The following DMXL1 variants were observed in gnomAD, a reference collection of about 807,000 sequenced individuals.
DMXL1 encodes the protein dmX-like protein 1.
In DMXL1, 99 loss-of-function variants were observed where a neutral mutation model predicts 319.2. The observed-to-expected ratio is 0.31, with a 90% CI of 0.26 to 0.37. DMXL1 has a LOEUF of 0.37. Ranked by LOEUF, DMXL1 falls within the 10% of genes least tolerant of loss-of-function variation. The pLI is 1.00. For missense variants in DMXL1, 3,745 were observed against 3,595.6 expected, an observed-to-expected ratio of 1.04 and a Z score of -1.06; for synonymous variants, 1,385 against 1,235.2, an observed-to-expected ratio of 1.12 and a Z score of -2.54.
At chr5:119,218,155 T>A (rs537986721) in intron 35 of DMXL1, among the ~76,000 whole-genome samples, 55 of 152,162 alleles carry the variant, frequency 3.6e-4, no homozygotes, top group African/African-American at 1.1e-3. Flanking sequence ...GGCAGTAGGA[T>A]CACTAGAGGC....
At chr5:119,097,835 G>A (rs560013649) in intron 1 of DMXL1, 144 bp from the exon 2 acceptor site, 62 of 747,564 alleles carry the variant, frequency 8.3e-5, no homozygotes, top group Admixed American at 3.7e-4. Context: ...GCCAAATGTA[G>A]ATTTTTTTTT....
intron 1 of DMXL1, among the ~76,000 whole-genome samples, chr5:119,089,275 TACATATATATATATATA>T (rs1455030749): frequency 3.3e-5 from 2 of 61,420 alleles, no homozygotes; most frequent in East Asian, 1.3e-3. Context: ...TATATATATA[TACATATATATATATATA>T]TTTTTTTTTT....
At chr5:119,230,102 T>TA (rs1786395727) in intron 38 of DMXL1, among the ~76,000 whole-genome samples, 1 of 152,188 alleles carries the variant, frequency 6.6e-6, no homozygotes, top group African/African-American at 2.4e-5. Context: ...GAAGTAGACA[T>TA]AACACCAGAC....
At chr5:119,184,787 G>T (rs1777404310) in intron 28 of DMXL1, among the ~76,000 whole-genome samples, 2 of 152,026 alleles carry the variant, frequency 1.3e-5, no homozygotes, top group Admixed American at 6.6e-5. Context: ...GTTCTTCCAT[G>T]TTGTAGCTTG....
rs1769412500 is a variant in DMXL1 at position 119,150,020 on chromosome 5, C to G, written c.4193C>G (p.Thr1398Arg). ...AFNKAENTDY[T>R]EIDSVPPLPL... ...AACAAGGCTGAAAATACAGATTACA[C>G]AGAAATAGATTCTGTTCCTCCACTT... Residue 1398 changes from threonine (T) to arginine (R), a missense_variant, in exon 18 of 44, where the codon ACA (threonine) becomes AGA (arginine). Around this residue, in one of 4 missense-constraint regions of DMXL1, gnomAD observed 2,096 missense variants for 1,985.4 expected, o/e 1.06. Coordinates refer to ENST00000539542, the MANE Select transcript of DMXL1 (RefSeq NM_001290321.3). The G allele has an allele frequency of 6.2e-6, 10 of 1,613,948 alleles. No individual in the cohort carries two copies. The highest frequency in any genetic ancestry group is 8.5e-6 in the Non-Finnish European group (10 of 1,179,912).
Position 119,098,108 on chromosome 5 carries a change from T to A in DMXL1, c.213+4T>A. 1 of 1,597,150 alleles carries A rather than the reference T, an allele frequency of 6.3e-7. No individual in the cohort carries two copies. Among genetic ancestry groups the A allele is most frequent in the Non-Finnish European group, 8.5e-7 (1 of 1,175,564 alleles). ...CTGTTCAATGCAACAAGGCAAGGTT[T>A]GTAATCTTCTTCTAATATACAAATT... On this transcript the variant is annotated splice_donor_region_variant and intron_variant, in intron 2 of 43. Transcript: ENST00000539542.
chr5:119,161,937 A>G (rs942219013), intron 19 of DMXL1, among the ~76,000 whole-genome samples: 2 of 152,204 alleles, frequency 1.3e-5, no homozygotes, highest in African/African-American at 4.8e-5. Flanking sequence ...GCTAGTTGCT[A>G]TAAGGTCTAC....
chr5:119,113,223 A>G (rs531052153), intron 5 of DMXL1, among the ~76,000 whole-genome samples: 3 of 152,292 alleles, frequency 2.0e-5, no homozygotes, highest in Non-Finnish European at 2.9e-5. Flanking sequence ...TCTATATGCA[A>G]AGATGTTCAT....
chr5:119,216,569 T>C (rs1223459390), intron 34 of DMXL1, among the ~76,000 whole-genome samples: 1 of 152,182 alleles, frequency 6.6e-6, no homozygotes, highest in South Asian at 2.1e-4. Context: ...ATTATAATGC[T>C]AGGAAACTTG....
chr5:119,187,891 G>A (rs1195244753), intron 28 of DMXL1, among the ~76,000 whole-genome samples: 2 of 152,156 alleles, frequency 1.3e-5, no homozygotes, highest in African/African-American at 4.8e-5. Flanking sequence ...CCTGACCTCA[G>A]GTGATCTGCC....
intron 36 of DMXL1, 89 bp from the exon 37 acceptor site, chr5:119,220,851 G>T: frequency 1.4e-6 from 2 of 1,453,274 alleles, no homozygotes; most frequent in Non-Finnish European, 9.3e-7. Context: ...AATTTTAAAG[G>T]GAACTATAAA....
At chr5:119,245,352 G>GT (rs1400157819) in intron 43 of DMXL1, among the ~76,000 whole-genome samples, 4 of 152,082 alleles carry the variant, frequency 2.6e-5, no homozygotes, top group Non-Finnish European at 4.4e-5. Context: ...AATCAGATGG[G>GT]TTTTTTAAAA....
chr5:119,080,341 C>T (rs1388634383), intron 1 of DMXL1, among the ~76,000 whole-genome samples: 1 of 152,038 alleles, frequency 6.6e-6, no homozygotes, highest in Non-Finnish European at 1.5e-5. Flanking sequence ...AGCAAGACTT[C>T]GTCTCAAAAA....
intron 1 of DMXL1, among the ~76,000 whole-genome samples, chr5:119,088,238 C>T (rs960790217): frequency 5.3e-5 from 8 of 152,142 alleles, no homozygotes; most frequent in South Asian, 2.1e-4. Flanking sequence ...TGATTTGTAG[C>T]GTATTTTATC....
intron 37 of DMXL1, among the ~76,000 whole-genome samples, chr5:119,221,598 A>G (rs938463292): frequency 1.6e-4 from 25 of 152,160 alleles, no homozygotes; most frequent in Admixed American, 1.4e-3. Flanking sequence ...GGATGCCTTC[A>G]CACTACAGTG....
intron 28 of DMXL1, among the ~76,000 whole-genome samples, chr5:119,182,022 A>G (rs1466431060): frequency 1.3e-5 from 2 of 152,174 alleles, no homozygotes; most frequent in African/African-American, 2.4e-5. Flanking sequence ...TTAAGGCATT[A>G]TTATGTTGCC....
intron 9 of DMXL1, among the ~76,000 whole-genome samples, chr5:119,123,954 T>C (rs1762895242): frequency 6.6e-6 from 1 of 150,736 alleles, no homozygotes; most frequent in South Asian, 2.1e-4. Context: ...AATTAGGGAT[T>C]ATTTGCAGCA....
intron 34 of DMXL1, among the ~76,000 whole-genome samples, chr5:119,210,441 T>A (rs1378480120): frequency 6.6e-6 from 1 of 152,220 alleles, no homozygotes; most frequent in Admixed American, 6.5e-5. Context: ...TCAAGTTAAT[T>A]TGTTTACATG....
At chr5:119,242,898 A>C (rs906443845) in intron 42 of DMXL1, among the ~76,000 whole-genome samples, 1 of 152,214 alleles carries the variant, frequency 6.6e-6, no homozygotes, top group Non-Finnish European at 1.5e-5. Flanking sequence ...TAATGTCAAC[A>C]TATAAAAAAT....
Sources: allele counts gnomAD v4.1 joint callset (sites outside exome capture counted in the v4.1 genomes callset), GRCh38; gene constraint gnomAD v4.1.1; regional missense constraint gnomAD v4.1.1; transcripts MANE v1.5; gene names NCBI Gene and HGNC (gene_info 2026-07-23, HGNC 2026-07-21).